The following RAP1GDS1 variants were observed in gnomAD, a reference collection of about 807,000 sequenced individuals.
RAP1GDS1 encodes Rap1 GTPase-GDP dissociation stimulator 1.
A neutral mutation model predicts 71.1 loss-of-function variants in RAP1GDS1; 35 were observed. That is an observed-to-expected ratio of 0.49 (90% CI 0.38 to 0.65). The LOEUF is 0.65. Among genes scored for constraint, RAP1GDS1 ranks in the 30% least tolerant of loss-of-function variants. The pLI, the probability that RAP1GDS1 is intolerant of heterozygous loss-of-function variation, is 0.00. For synonymous variants in RAP1GDS1, 229 were observed against 243.1 expected, an observed-to-expected ratio of 0.94 and a Z score of 0.54; for missense variants, 663 against 706.1, an observed-to-expected ratio of 0.94 and a Z score of 0.69.
intron 2 of RAP1GDS1, among the ~76,000 whole-genome samples, chr4:98,325,918 A>G (rs1358853488): frequency 6.4e-5 from 3 of 46,976 alleles, no homozygotes; most frequent in Admixed American, 4.9e-4. Flanking sequence ...AACTTAAAGT[A>G]TTAAAAAAAA....
chr4:98,412,365 A>G (rs1747199753), intron 7 of RAP1GDS1, among the ~76,000 whole-genome samples: 2 of 152,240 alleles, frequency 1.3e-5, no homozygotes, highest in South Asian at 2.1e-4. Context: ...AAGTTTAAAA[A>G]TTAGCCAGGC....
chr4:98,282,029 G>A (rs1305942633), intron 1 of RAP1GDS1, among the ~76,000 whole-genome samples: 1 of 152,044 alleles, frequency 6.6e-6, no homozygotes, highest in Admixed American at 6.6e-5. Flanking sequence ...TATTGAAGAT[G>A]TTTGCATCGA....
intron 6 of RAP1GDS1, among the ~76,000 whole-genome samples, chr4:98,402,511 A>T (rs1745577707): frequency 6.6e-6 from 1 of 152,160 alleles, no homozygotes. Context: ...GTAAGAGCTA[A>T]AGCCGTAGTT....
intron 2 of RAP1GDS1, among the ~76,000 whole-genome samples, chr4:98,327,492 T>C (rs1316814270): frequency 6.6e-6 from 1 of 152,200 alleles, no homozygotes; most frequent in Non-Finnish European, 1.5e-5. Context: ...GAAGAATGTT[T>C]TGTGATAGTT....
Position 98,346,557 on chromosome 4 carries a change from T to A in RAP1GDS1, c.235+3296T>A, listed in dbSNP as rs79524164. ...CCGTCATTTTGTAAGAATGATTATTTATTTTTTTTTTTTTTGAGAGGGAGT... is the reference window on the plus strand; with the variant it reads ...CCGTCATTTTGTAAGAATGATTATTAATTTTTTTTTTTTTTGAGAGGGAGT... On this transcript the variant is annotated intron_variant, in intron 3 of 14. Coordinates refer to ENST00000408927, the MANE Select transcript of RAP1GDS1 (RefSeq NM_001100427.2). Among the ~76,000 whole-genome samples, 852 of 152,020 alleles carry A rather than the reference T, an allele frequency of 5.6e-3. 10 individuals are homozygous for A. Among genetic ancestry groups the A allele is most frequent in the South Asian group, 0.018 (86 of 4,816 alleles).
chr4:98,309,631 A>C (rs1416222383), intron 2 of RAP1GDS1, among the ~76,000 whole-genome samples: 5 of 152,014 alleles, frequency 3.3e-5, no homozygotes, highest in African/African-American at 1.2e-4. Flanking sequence ...AATTTGTAGA[A>C]GCACATTAAA....
At chr4:98,380,575 C>T (rs1036444243) in intron 5 of RAP1GDS1, among the ~76,000 whole-genome samples, 1 of 151,406 alleles carries the variant, frequency 6.6e-6, no homozygotes, top group Admixed American at 6.6e-5. Context: ...GAACAAATGC[C>T]CTAAATATAA....
At chr4:98,441,471 T>A in intron 14 of RAP1GDS1, 1 of 985,344 alleles carries the variant, frequency 1.0e-6, no homozygotes, top group Non-Finnish European at 1.2e-6. Flanking sequence ...TGGTAAGTCA[T>A]TGGACTTCAT....
intron 4 of RAP1GDS1, among the ~76,000 whole-genome samples, chr4:98,372,728 AG>A (rs1465469153): frequency 6.6e-6 from 1 of 152,210 alleles, no homozygotes; most frequent in Non-Finnish European, 1.5e-5. Flanking sequence ...TGTGTTGCCC[AG>A]GCTGGTGTGT....
chr4:98,392,030 C>T lies in RAP1GDS1; in HGVS notation c.587C>T (p.Ala196Val). Residue 196 changes from alanine (A) to valine (V), a missense_variant, in exon 6 of 15, where the codon GCA becomes GTA. Coordinates refer to ENST00000408927, the MANE Select transcript of RAP1GDS1 (RefSeq NM_001100427.2). ...VKLLGIHCQN[A>V]ALTEMCLVAF... Reference sequence around the variant, plus strand: ...TTACTGGGCATCCACTGCCAAAATGCAGCTCTTACAGAAATGTGTCTTGTT... The same window carrying T: ...TTACTGGGCATCCACTGCCAAAATGTAGCTCTTACAGAAATGTGTCTTGTT... 1.2e-6 allele frequency: 2 copies of T among 1,612,676 alleles called. No homozygotes were observed. The highest frequency in any genetic ancestry group is 1.7e-5 in the Admixed American group (1 of 59,964).
In RAP1GDS1 at chr4:98,342,871, A is replaced by G. The variant is rs374809425; in HGVS notation, c.113-268A>G. ...CATTGAGAGTAAGTTTGGTATGCAA[A>G]TGATATATTCAGAAAGAACTTCTTT... On this transcript the variant is annotated intron_variant, in intron 2 of 14. Transcript: ENST00000408927. Among the ~76,000 whole-genome samples, 16 of 152,330 alleles carry G rather than the reference A, an allele frequency of 1.1e-4. No individual in the cohort carries two copies. In the East Asian group the frequency reaches 1.7e-3, roughly 17 times the overall value.
Position 98,352,492 on chromosome 4 carries a change from A to G in RAP1GDS1, c.252A>G (p.Pro84=). The part of the protein sequence containing the change: ...EVAKNEFMRI[P]CVDAGLISPL... ...TATTTTCAGAGTTTATGCGAATTCC[A>G]TGTGTGGATGCTGGATTGATTTCAC... Residue 84 remains proline, a synonymous_variant, in exon 4 of 15, where the codon CCA becomes CCG. Transcript: ENST00000408927. The G allele has an allele frequency of 1.9e-6, 3 of 1,613,724 alleles. No individual in the cohort carries two copies. The highest frequency in any genetic ancestry group is 2.5e-6 in the Non-Finnish European group (3 of 1,179,742).
chr4:98,303,780 T>C (rs1469470667), intron 2 of RAP1GDS1, among the ~76,000 whole-genome samples: 2 of 152,044 alleles, frequency 1.3e-5, no homozygotes, highest in Non-Finnish European at 2.9e-5. Context: ...CATGGTAGTT[T>C]GCTGCACCTA....
intron 6 of RAP1GDS1, among the ~76,000 whole-genome samples, chr4:98,400,123 C>T (rs1745157166): frequency 6.6e-6 from 1 of 151,936 alleles, no homozygotes; most frequent in South Asian, 2.1e-4. Flanking sequence ...CACCACTGCA[C>T]TCCAGCTTGG....
rs56081533 is a variant in RAP1GDS1 at position 98,265,526 on chromosome 4, A to G, written c.4+3957A>G. Reference sequence around the variant, plus strand: ...ACTAGATAAAAAATAGTTGACAAACATTTATTTTAACTTTCGAGAGTACAA... The same window carrying G: ...ACTAGATAAAAAATAGTTGACAAACGTTTATTTTAACTTTCGAGAGTACAA... On this transcript the variant is annotated intron_variant, in intron 1 of 14. Transcript: ENST00000408927. Among the ~76,000 whole-genome samples, 580 of 152,316 alleles carry G rather than the reference A, an allele frequency of 3.8e-3. 6 individuals are homozygous for G. The highest frequency in any genetic ancestry group is 0.013 in the African/African-American group (554 of 41,584).
intron 4 of RAP1GDS1, among the ~76,000 whole-genome samples, chr4:98,369,089 A>G (rs549503886): frequency 2.3e-4 from 35 of 152,262 alleles, no homozygotes; most frequent in Admixed American, 1.2e-3. Flanking sequence ...GTGCAGGGGA[A>G]CTGCCCTTTA....
chr4:98,379,184 G>T, intron 5 of RAP1GDS1, 21 bp downstream of exon 5: 2 of 1,540,478 alleles, frequency 1.3e-6, no homozygotes. Context: ...CTGAAAACTT[G>T]CTTTATCTCT....
intron 12 of RAP1GDS1, among the ~76,000 whole-genome samples, chr4:98,425,314 A>G (rs1323038106): frequency 2.0e-5 from 3 of 152,208 alleles, no homozygotes; most frequent in Non-Finnish European, 4.4e-5. Context: ...CTACAAAACA[A>G]AAATACAATT....
intron 2 of RAP1GDS1, among the ~76,000 whole-genome samples, chr4:98,323,274 T>C (rs967130412): frequency 1.4e-5 from 2 of 147,436 alleles, no homozygotes; most frequent in African/African-American, 2.6e-5. Context: ...ATTGTGGCAA[T>C]AATCAATAGT....
Sources: allele counts gnomAD v4.1 joint callset (sites outside exome capture counted in the v4.1 genomes callset), GRCh38; gene constraint gnomAD v4.1.1; transcripts MANE v1.5; gene names NCBI Gene and HGNC (gene_info 2026-07-23, HGNC 2026-07-21).